MAGI1: variants seen among roughly 807,000 people sequenced by gnomAD.
The protein encoded by MAGI1 is membrane associated guanylate kinase, WW and PDZ domain containing 1, also known as membrane-associated guanylate kinase, WW and PDZ domain-containing protein 1.
In MAGI1, 58 loss-of-function variants were observed where a neutral mutation model predicts 139.9. The ratio of observed to expected loss-of-function variants is 0.41; its 90% CI spans 0.34 to 0.52. The LOEUF (loss-of-function observed/expected upper bound fraction) is 0.52. Among genes scored for constraint, MAGI1 ranks in the 20% least tolerant of loss-of-function variants. The pLI is 0.12. For missense variants in MAGI1, 1,874 were observed against 1,901.6 expected, an observed-to-expected ratio of 0.99 and a Z score of 0.27; for synonymous variants, 812 against 737.9, an observed-to-expected ratio of 1.10 and a Z score of -1.63.
rs773263998 is a variant in MAGI1, at chr3:65,356,531, C to A, written c.4236G>T (p.Glu1412Asp). 1.9e-6 allele frequency: 3 copies of A among 1,610,574 alleles called. No individual in the cohort carries two copies. In the Admixed American group the frequency reaches 5.0e-5, roughly 27 times the overall value. Residue 1412 changes from glutamate to aspartate, a missense_variant, in exon 23 of 23, where the codon GAG becomes GAT. Around this residue, in one of 5 missense-constraint regions of MAGI1, gnomAD observed 653 missense variants for 644.5 expected, o/e 1.01. Coordinates refer to ENST00000402939, the MANE Select transcript of MAGI1 (RefSeq NM_001033057.2). ...CTCTGTTCCTTTTGTCCAGGGACCG[C>A]TCTCTCCTGCGCTCGGGGGAGCGTG... ...RRARSPERRR[E>D]RSLDKRNRED...
At chr3:65,662,348 TA>T (rs2086247234) in intron 1 of MAGI1, among the ~76,000 whole-genome samples, 1 of 152,234 alleles carries the variant, frequency 6.6e-6, no homozygotes. Flanking sequence ...AAACTTTCCA[TA>T]AAATGCCAGA....
At chr3:65,904,081 G>A (rs111724737) in intron 1 of MAGI1, among the ~76,000 whole-genome samples, 62 of 152,036 alleles carry the variant, frequency 4.1e-4, no homozygotes, top group Non-Finnish European at 7.9e-4. Context: ...TTAGAAAGGA[G>A]CACAGACTAC....
chr3:65,712,547 C>G (rs1325325573), intron 1 of MAGI1, among the ~76,000 whole-genome samples: 1 of 151,918 alleles, frequency 6.6e-6, no homozygotes, highest in Non-Finnish European at 1.5e-5. Context: ...GAGTTTCACT[C>G]CGTCACTCAG....
At chr3:65,772,772 A>G in intron 1 of MAGI1, among the ~76,000 whole-genome samples, 1 of 152,238 alleles carries the variant, frequency 6.6e-6, no homozygotes, top group Middle Eastern at 3.2e-3. Context: ...ACATGTTTCC[A>G]GGGACCTGGT....
At chr3:65,815,573 A>T (rs2041546979) in intron 1 of MAGI1, among the ~76,000 whole-genome samples, 1 of 152,226 alleles carries the variant, frequency 6.6e-6, no homozygotes, top group African/African-American at 2.4e-5. Flanking sequence ...AAATCCATGA[A>T]GTCAAATCAT....
chr3:65,989,388 G>A (rs1199857126), intron 1 of MAGI1, among the ~76,000 whole-genome samples: 6 of 152,112 alleles, frequency 3.9e-5, no homozygotes, highest in Non-Finnish European at 8.8e-5. Flanking sequence ...GAAGCATGAG[G>A]CATTGGTATT....
chr3:65,585,915 G>A (rs908606296), intron 2 of MAGI1, among the ~76,000 whole-genome samples: 3 of 151,980 alleles, frequency 2.0e-5, no homozygotes, highest in Non-Finnish European at 4.4e-5. Context: ...AATGACACAA[G>A]CAAAAACACA....
chr3:65,962,685 C>CGTG (rs1177823201), intron 1 of MAGI1, among the ~76,000 whole-genome samples: 1 of 151,480 alleles, frequency 6.6e-6, no homozygotes, highest in East Asian at 2.0e-4. Context: ...AAACGCTGGG[C>CGTG]GTGGTGGCCC....
At chr3:65,639,506 T>C (rs1437834769) in intron 1 of MAGI1, among the ~76,000 whole-genome samples, 1 of 152,186 alleles carries the variant, frequency 6.6e-6, no homozygotes, top group Admixed American at 6.5e-5. Context: ...TGATTTTATG[T>C]GTTAACTTGA....
At chr3:65,461,534 G>A (rs553331694) in intron 5 of MAGI1, among the ~76,000 whole-genome samples, 1 of 148,496 alleles carries the variant, frequency 6.7e-6, no homozygotes, top group Non-Finnish European at 1.5e-5. Flanking sequence ...TGTCGCCCAG[G>A]CTGGAGAGTG....
At chr3:65,976,556 G>A (rs1291584596) in intron 1 of MAGI1, among the ~76,000 whole-genome samples, 1 of 152,122 alleles carries the variant, frequency 6.6e-6, no homozygotes, top group East Asian at 1.9e-4. Flanking sequence ...ACTTGAACCT[G>A]GGAGGCAGAG....
At chr3:65,797,010 G>T (rs1228133910) in intron 1 of MAGI1, among the ~76,000 whole-genome samples, 1 of 152,000 alleles carries the variant, frequency 6.6e-6, no homozygotes, top group Non-Finnish European at 1.5e-5. Flanking sequence ...CTAATCATCT[G>T]TATTTTTTTT....
chr3:65,631,881 CG>C (rs1353397499), intron 1 of MAGI1, among the ~76,000 whole-genome samples: 1 of 151,876 alleles, frequency 6.6e-6, no homozygotes, highest in Non-Finnish European at 1.5e-5. Context: ...AAAAATTAGA[CG>C]GGCGTGGTGG....
At chr3:66,035,982 A>G (rs988877662) in intron 1 of MAGI1, among the ~76,000 whole-genome samples, 1 of 152,170 alleles carries the variant, frequency 6.6e-6, no homozygotes, top group Non-Finnish European at 1.5e-5. Context: ...GCCAGCCCCT[A>G]TTCAGGACCC....
intron 5 of MAGI1, among the ~76,000 whole-genome samples, chr3:65,458,802 AC>A (rs1279651628): frequency 6.6e-6 from 1 of 151,922 alleles, no homozygotes; most frequent in Admixed American, 6.6e-5. Flanking sequence ...AAGCTTTTTA[AC>A]TTGATGTGAT....
At chr3:65,951,082 G>C (rs2063840258) in intron 1 of MAGI1, among the ~76,000 whole-genome samples, 1 of 151,952 alleles carries the variant, frequency 6.6e-6, no homozygotes. Flanking sequence ...GAAAAGAAAA[G>C]AGAGAGGGAA....
At chr3:65,432,225 T>C (rs1407157613) in intron 10 of MAGI1, among the ~76,000 whole-genome samples, 1 of 152,148 alleles carries the variant, frequency 6.6e-6, no homozygotes, top group Non-Finnish European at 1.5e-5. Context: ...GAGCAGCTTC[T>C]TTCATCTCTT....
intron 1 of MAGI1, among the ~76,000 whole-genome samples, chr3:65,871,185 C>T (rs2059926453): frequency 6.6e-6 from 1 of 152,062 alleles, no homozygotes; most frequent in African/African-American, 2.4e-5. Context: ...AAACCACCCT[C>T]CTCCACCTCC....
chr3:65,394,645 T>A (rs901794485), intron 13 of MAGI1, among the ~76,000 whole-genome samples: 1 of 151,702 alleles, frequency 6.6e-6, no homozygotes, highest in Middle Eastern at 3.4e-3. Context: ...CTGGATTTTT[T>A]AAAACTATGC....
Sources: allele counts gnomAD v4.1 joint callset (sites outside exome capture counted in the v4.1 genomes callset), GRCh38; gene constraint gnomAD v4.1.1; regional missense constraint gnomAD v4.1.1; transcripts MANE v1.5; gene names NCBI Gene and HGNC (gene_info 2026-07-23, HGNC 2026-07-21).